Variants in SAMSN1 observed in about 807,000 individuals in gnomAD.
SAMSN1 encodes the protein SAM domain, SH3 domain and nuclear localization signals 1.
A neutral mutation model predicts 42.0 loss-of-function variants in SAMSN1; 31 were observed. The ratio of observed to expected loss-of-function variants is 0.74; its 90% CI spans 0.55 to 1.00. The LOEUF is 1.00. SAMSN1 is among the 50% of genes least tolerant of loss of function. SAMSN1 has a pLI of 0.00. For synonymous variants in SAMSN1, 178 were observed against 151.9 expected, an observed-to-expected ratio of 1.17 and a Z score of -1.26; for missense variants, 464 against 439.4, an observed-to-expected ratio of 1.06 and a Z score of -0.50.
intron 2 of SAMSN1, among the ~76,000 whole-genome samples, chr21:14,575,826 A>G (rs1048817015): frequency 3.3e-5 from 5 of 152,160 alleles, no homozygotes; most frequent in Non-Finnish European, 5.9e-5. Context: ...TTCCTAAACC[A>G]TGTGCCTCCT....
intron 2 of SAMSN1, among the ~76,000 whole-genome samples, chr21:14,566,546 T>A (rs1003127331): frequency 4.0e-5 from 6 of 151,000 alleles, no homozygotes; most frequent in East Asian, 3.9e-4. Flanking sequence ...ATATATAAAA[T>A]TTTTTTTTTG....
intron 1 of SAMSN1, among the ~76,000 whole-genome samples, chr21:14,536,488 A>C (rs747754888): frequency 1.3e-5 from 2 of 152,238 alleles, no homozygotes; most frequent in Non-Finnish European, 2.9e-5. Context: ...ACACTTTTCA[A>C]GTATAGCTAA....
At chr21:14,490,558 A>C (rs1986639723) in intron 7 of SAMSN1, among the ~76,000 whole-genome samples, 1 of 152,332 alleles carries the variant, frequency 6.6e-6, no homozygotes, top group South Asian at 2.1e-4. Flanking sequence ...CATGTCTCTC[A>C]GTTATTTTTT....
intron 2 of SAMSN1, among the ~76,000 whole-genome samples, chr21:14,629,778 A>C (rs1453050353): frequency 6.6e-6 from 1 of 152,188 alleles, no homozygotes; most frequent in African/African-American, 2.4e-5. Context: ...CTAAAGCAAC[A>C]AACTCTTCTC....
chr21:14,658,606 T>A (rs1983952050), intron 1 of SAMSN1: 2 of 595,480 alleles, frequency 3.4e-6, no homozygotes, highest in African/African-American at 1.9e-5. Flanking sequence ...CCTTTCTCAC[T>A]GTTCTTTGTG....
chr21:14,543,469 A>G (rs1980175925), intron 1 of SAMSN1, among the ~76,000 whole-genome samples: 1 of 152,180 alleles, frequency 6.6e-6, no homozygotes. Context: ...ATAATGAATT[A>G]TTTTTGATAT....
Position 14,500,519 on chromosome 21 carries a change from A to T in SAMSN1, c.768+10T>A, listed in dbSNP as rs902457527. 1.3e-5 allele frequency: 21 copies of T among 1,611,524 alleles called. No individual in the cohort carries two copies. The highest frequency in any genetic ancestry group is 1.8e-5 in the Non-Finnish European group (21 of 1,177,782). The stretch of plus-strand genomic sequence containing the variant: ...GCTTCCAAAAGCAAACAGAACACAG[A>T]TTTGCTCACCTGCAGATGAATCCTC... On this transcript the variant is annotated intron_variant, in intron 6 of 7. Coordinates refer to ENST00000400566, the MANE Select transcript of SAMSN1 (RefSeq NM_022136.5).
chr21:14,654,632 A>T (rs1305820047), intron 1 of SAMSN1, among the ~76,000 whole-genome samples: 1 of 152,070 alleles, frequency 6.6e-6, no homozygotes, highest in Non-Finnish European at 1.5e-5. Context: ...GCTTACAAGA[A>T]GATATGGGCC....
At chr21:14,561,914 T>C (rs534761753) in intron 2 of SAMSN1, among the ~76,000 whole-genome samples, 2 of 152,148 alleles carry the variant, frequency 1.3e-5, no homozygotes, top group Non-Finnish European at 2.9e-5. Flanking sequence ...TATCAGAAGC[T>C]GGAAGAAACA....
chr21:14,601,336 G>GCAC (rs1361908615), intron 6 of SAMSN1, among the ~76,000 whole-genome samples: 2 of 152,130 alleles, frequency 1.3e-5, no homozygotes, highest in African/African-American at 2.4e-5. Flanking sequence ...AATCAGGCTG[G>GCAC]ATTTAGGAAT....
At chr21:14,550,154 C>T (rs919165599), upstream of SAMSN1, among the ~76,000 whole-genome samples, 2 of 152,012 alleles carry the variant, frequency 1.3e-5, no homozygotes, top group Admixed American at 6.6e-5. Context: ...AGAGAAATGA[C>T]GGGATGGATA....
At chr21:14,510,257 T>C (rs1253625681) in intron 5 of SAMSN1, 53 bp downstream of exon 5, 1 of 1,552,542 alleles carries the variant, frequency 6.4e-7, no homozygotes, top group Non-Finnish European at 8.9e-7. Context: ...AAACAGATCA[T>C]ATAATCAGCA....
At chr21:14,525,369 C>A (rs369614143) in intron 1 of SAMSN1, among the ~76,000 whole-genome samples, 20 of 152,236 alleles carry the variant, frequency 1.3e-4, no homozygotes, top group South Asian at 6.2e-4. Context: ...CAAGAAGATA[C>A]AGTCAGTCGG....
chr21:14,544,302 C>T lies in SAMSN1; in HGVS notation c.57+1903G>A, dbSNP rs73161257. On this transcript the variant is annotated intron_variant, in intron 1 of 7. Coordinates refer to ENST00000400566, the MANE Select transcript of SAMSN1 (RefSeq NM_022136.5). ...CTGAACTCAAGTGATTTACGCACCTCGGCCCTGCAAAGTGCTGGAACTACA... is the reference window on the plus strand; with the variant it reads ...CTGAACTCAAGTGATTTACGCACCTTGGCCCTGCAAAGTGCTGGAACTACA... Among the ~76,000 whole-genome samples, 126 of 152,310 alleles carry T rather than the reference C, an allele frequency of 8.3e-4. No homozygotes were observed. The Middle Eastern group carries it at 0.014, about 16-fold the overall frequency.
At chr21:14,583,175 T>C (rs570089126) in intron 1 of SAMSN1, 12 of 152,720 alleles carry the variant, frequency 7.9e-5, no homozygotes, top group East Asian at 5.8e-4. Flanking sequence ...AATAGAAATA[T>C]ATATCACCCA....
upstream of SAMSN1, among the ~76,000 whole-genome samples, chr21:14,659,305 C>A (rs531860365): frequency 2.0e-5 from 3 of 152,056 alleles, no homozygotes; most frequent in East Asian, 5.8e-4. Flanking sequence ...CTAAAATGTA[C>A]CACTTTAACC....
At chr21:14,507,099 C>G (rs1481990724) in intron 5 of SAMSN1, among the ~76,000 whole-genome samples, 3 of 152,078 alleles carry the variant, frequency 2.0e-5, no homozygotes, top group Non-Finnish European at 2.9e-5. Context: ...TGAATGGGCA[C>G]AAGGTGAAAG....
chr21:14,551,476 T>C (rs141340091), intron 2 of SAMSN1, among the ~76,000 whole-genome samples: 1 of 152,138 alleles, frequency 6.6e-6, no homozygotes, highest in Non-Finnish European at 1.5e-5. Flanking sequence ...CTGGAAAAAT[T>C]AGGGAGGCTG....
chr21:14,628,514 A>G (rs533574865), intron 2 of SAMSN1, among the ~76,000 whole-genome samples: 3 of 152,302 alleles, frequency 2.0e-5, no homozygotes, highest in East Asian at 3.9e-4. Context: ...GAGATGAAAA[A>G]ATATATATTG....
Sources: gnomAD v4.1 joint callset for allele counts (sites outside exome capture counted in the v4.1 genomes callset) on GRCh38, gnomAD v4.1.1 for gene constraint, MANE v1.5 for transcripts, NCBI Gene and HGNC (gene_info 2026-07-23, HGNC 2026-07-21) for gene names.